Variants in POC1B observed in about 807,000 individuals in gnomAD.
POC1B encodes POC1 centriolar protein homolog B.
POC1B carries 44 observed loss-of-function variants against 60.6 expected under a neutral mutation model. The ratio of observed to expected loss-of-function variants is 0.73; its 90% confidence interval spans 0.57 to 0.93. The LOEUF (loss-of-function observed/expected upper bound fraction) is 0.93, where lower values mean the gene tolerates loss of function less well. Ranked by LOEUF, POC1B falls within the 40% of genes least tolerant of loss-of-function variation. The pLI is 0.00. For missense variants in POC1B, 555 were observed against 572.3 expected (o/e 0.97, Z 0.31); for synonymous variants, 180 against 198.9 (o/e 0.90, Z 0.80).
the POC1B span, among the ~76,000 whole-genome samples, chr12:89,402,731 T>C: frequency 6.6e-6 from 1 of 152,190 alleles, no homozygotes; most frequent in Non-Finnish European, 1.5e-5. Context: ...CATAGTATTC[T>C]ATGGACATAC....
At chr12:89,446,498 A>T (rs1881792771) in intron 10 of POC1B, among the ~76,000 whole-genome samples, 1 of 152,196 alleles carries the variant, frequency 6.6e-6, no homozygotes, top group Non-Finnish European at 1.5e-5. Flanking sequence ...AAACTATTGC[A>T]AGGACAGAAA....
intron 2 of POC1B, among the ~76,000 whole-genome samples, chr12:89,513,835 A>G (rs1870304648): frequency 6.6e-6 from 1 of 152,136 alleles, no homozygotes; most frequent in Admixed American, 6.5e-5. Flanking sequence ...CTGCTGTGAA[A>G]ATTGTCTTCC....
At chr12:89,432,340 C>T (rs926564411) in intron 10 of POC1B, among the ~76,000 whole-genome samples, 3 of 125,618 alleles carry the variant, frequency 2.4e-5, no homozygotes, top group African/African-American at 9.3e-5. Context: ...GAGCCCAGAT[C>T]GAGCCACTGT....
intron 4 of POC1B, among the ~76,000 whole-genome samples, chr12:89,476,759 T>TAGATAGATAGATAGAC (rs1485211003): frequency 4.6e-3 from 272 of 58,602 alleles, no homozygotes; most frequent in East Asian, 0.04. Context: ...GATAGATAGA[T>TAGATAGATAGATAGAC]AGACAGACAG....
At chr12:89,485,587 AAGATAAAGACAGTCCATGAAGGCC>A (rs1868589228) in intron 4 of POC1B, among the ~76,000 whole-genome samples, 1 of 152,206 alleles carries the variant, frequency 6.6e-6, no homozygotes, top group Admixed American at 6.5e-5. Context: ...AGGTACCGGT[AAGATAAAGACAGTCCATGAAGGCC>A]AGGTGTGCCA....
chr12:89,516,728 T>C (rs1335850146), intron 2 of POC1B, among the ~76,000 whole-genome samples: 1 of 152,158 alleles, frequency 6.6e-6, no homozygotes, highest in Non-Finnish European at 1.5e-5. Context: ...CCTGAAATCA[T>C]GGTGTTGGCC....
chr12:89,496,437 G>A (rs1310539654), intron 3 of POC1B, among the ~76,000 whole-genome samples: 1 of 152,150 alleles, frequency 6.6e-6, no homozygotes, highest in Non-Finnish European at 1.5e-5. Context: ...GAGGGGAGGT[G>A]TAGATGAAAC....
chr12:89,432,203 G>A (rs1001197855), intron 10 of POC1B, among the ~76,000 whole-genome samples: 8 of 151,750 alleles, frequency 5.3e-5, no homozygotes, highest in Middle Eastern at 3.4e-3. Flanking sequence ...GGGCAACACG[G>A]TGAAACCCTG....
intron 3 of POC1B, among the ~76,000 whole-genome samples, chr12:89,496,144 A>G (rs553045027): frequency 1.3e-5 from 2 of 152,260 alleles, no homozygotes; most frequent in Non-Finnish European, 2.9e-5. Context: ...AGATGGTCCC[A>G]TCTGGGTTGA....
At chr12:89,401,917 G>A in the POC1B span, among the ~76,000 whole-genome samples, 4 of 152,172 alleles carry the variant, frequency 2.6e-5, no homozygotes, top group Admixed American at 1.3e-4. Flanking sequence ...CGAACAATAC[G>A]AGTCAAACTT....
intron 10 of POC1B, among the ~76,000 whole-genome samples, chr12:89,451,243 G>A (rs1264750692): frequency 6.6e-5 from 10 of 152,158 alleles, no homozygotes; most frequent in Non-Finnish European, 1.3e-4. Context: ...TAAAAAGTAT[G>A]AGAATGTTGC....
chr12:89,475,916 T>TTTC (rs1230869084), intron 4 of POC1B, among the ~76,000 whole-genome samples: 1 of 145,032 alleles, frequency 6.9e-6, no homozygotes, highest in East Asian at 2.0e-4. Flanking sequence ...AATTCTTTTT[T>TTTC]TTTTTTTTTT....
At chr12:89,422,866 A>G (rs1444751556) in intron 11 of POC1B, among the ~76,000 whole-genome samples, 9 of 152,190 alleles carry the variant, frequency 5.9e-5, no homozygotes, top group Admixed American at 5.9e-4. Context: ...TTTGAATGCA[A>G]CCAATTTTTA....
At chr12:89,461,858 GA>G (rs1351896922) in intron 9 of POC1B, 2 of 152,184 alleles carry the variant, frequency 1.3e-5, no homozygotes, top group East Asian at 3.9e-4. Context: ...GTCCAGAGTT[GA>G]GGTAAAGAAC....
rs574064859 is a variant in POC1B, at chr12:89,513,112, ACT to A, written c.100+12006_100+12007del. 2.3e-3 allele frequency among the ~76,000 whole-genome samples: 354 copies of A among 152,148 alleles called. 1 individual carries two copies. The highest frequency in any genetic ancestry group is 8.0e-3 in the African/African-American group (332 of 41,480). ...CACATTGAAATTTGAGAAACACTGC[ACT>A]CTGTTACTACCTCTCAGTGTATACA... On this transcript the variant is annotated intron_variant, in intron 2 of 11. Coordinates refer to ENST00000313546, the MANE Select transcript of POC1B (RefSeq NM_172240.3).
chr12:89,525,799 G>C, intron 1 of POC1B, 82 bp downstream of exon 1: 1 of 1,380,388 alleles, frequency 7.2e-7, no homozygotes. Flanking sequence ...CCCTCCAGGT[G>C]CGGCTTCGGC....
intron 7 of POC1B, among the ~76,000 whole-genome samples, chr12:89,468,874 AAAGG>A (rs1416561850): frequency 3.3e-4 from 34 of 102,092 alleles, no homozygotes; most frequent in African/African-American, 1.3e-3. Context: ...ATACTTGTTA[AAAGG>A]AAGTACCTCA....
chr12:89,522,944 C>T, intron 2 of POC1B: 1 of 1,614,068 alleles, frequency 6.2e-7, no homozygotes, highest in Non-Finnish European at 8.5e-7. Flanking sequence ...ATAGTTCCAT[C>T]TTCTTTAAAA....
Position 89,466,873 on chromosome 12 carries a change from G to GTAAGACCT in POC1B, c.921_928dup (p.Thr310LysfsTer37). 1 of 1,612,966 alleles carries GTAAGACCT rather than the reference G, an allele frequency of 6.2e-7. No individual in the cohort carries two copies. Among genetic ancestry groups the GTAAGACCT allele is most frequent in the Non-Finnish European group, 8.5e-7 (1 of 1,179,268 alleles). ...ATGTAATCTTTTGAGATTTCTTTTG[G>GTAAGACCT]TAAGACCTTTACAATGCAATTCATC... On this transcript the variant is annotated frameshift_variant, in exon 9 of 12. Transcript: ENST00000313546. LOFTEE classifies it high-confidence loss of function.
Sources: allele counts gnomAD v4.1 joint callset (sites outside exome capture counted in the v4.1 genomes callset), GRCh38; gene constraint gnomAD v4.1.1; transcripts MANE v1.5; gene names NCBI Gene and HGNC (gene_info 2026-07-23, HGNC 2026-07-21).